Variants in EYA2 observed in about 807,000 individuals in gnomAD.
EYA2 encodes EYA transcriptional coactivator and phosphatase 2.
In EYA2, 31 loss-of-function variants were observed where a neutral mutation model predicts 69.2. That is an observed-to-expected ratio of 0.45 (90% CI 0.34 to 0.60). The LOEUF is 0.60. EYA2 is among the 20% of genes least tolerant of loss of function. The pLI, the probability that EYA2 is intolerant of heterozygous loss-of-function variation, is 0.02. For synonymous variants in EYA2, 257 were observed against 279.4 expected (o/e 0.92, Z 0.80); for missense variants, 622 against 701.2 (o/e 0.89, Z 1.28).
At chr20:47,151,119 C>T (rs1447069247) in intron 10 of EYA2, among the ~76,000 whole-genome samples, 1 of 151,954 alleles carries the variant, frequency 6.6e-6, no homozygotes, top group Non-Finnish European at 1.5e-5. Flanking sequence ...GCCTGTAATC[C>T]CAGCACTTTG....
At chr20:47,042,627 C>A (rs1437904649) in intron 5 of EYA2, among the ~76,000 whole-genome samples, 1 of 152,246 alleles carries the variant, frequency 6.6e-6, no homozygotes, top group East Asian at 1.9e-4. Flanking sequence ...GAACCCACAG[C>A]ACCTGGCACG....
At chr20:47,017,310 T>A (rs4339016) in intron 5 of EYA2, among the ~76,000 whole-genome samples, 50,088 of 152,000 alleles carry the variant, frequency 0.33, 8,375 homozygotes, top group East Asian at 0.41. Flanking sequence ...TGGGCTGATG[T>A]GTGATTGTAC....
chr20:47,103,121 A>G (rs1197928687), intron 9 of EYA2, among the ~76,000 whole-genome samples: 1 of 152,156 alleles, frequency 6.6e-6, no homozygotes, highest in African/African-American at 2.4e-5. Flanking sequence ...CAATCTACAT[A>G]TCATAATTTA....
chr20:47,034,608 G>A (rs536581775), intron 5 of EYA2, among the ~76,000 whole-genome samples: 27 of 152,182 alleles, frequency 1.8e-4, no homozygotes, highest in Admixed American at 3.9e-4. Flanking sequence ...CCTTGTGCCC[G>A]AGGCCCTGTC....
chr20:47,104,510 C>G (rs529046515), intron 9 of EYA2, among the ~76,000 whole-genome samples: 3 of 152,238 alleles, frequency 2.0e-5, no homozygotes, highest in Admixed American at 1.3e-4. Context: ...ATTGCCTAAC[C>G]TAGGTCACAG....
chr20:47,155,418 T>G (rs558327056), intron 10 of EYA2, among the ~76,000 whole-genome samples: 28 of 151,884 alleles, frequency 1.8e-4, no homozygotes, highest in African/African-American at 6.0e-4. Context: ...ACAAGCACAA[T>G]CCCGATGGGA....
At position 47,172,751 on chromosome 20, in the gene EYA2, G is replaced by A; in HGVS notation, c.1082G>A (p.Gly361Glu). Residue 361 changes from glycine to glutamate, a missense_variant, in exon 12 of 16, where the codon GGA becomes GAA. By Grantham distance (98) the Gly-to-Glu change is moderately conservative. Coordinates refer to ENST00000327619, the MANE Select transcript of EYA2 (RefSeq NM_005244.5). Reference protein sequence around the residue: ...SADGFHSSAPGANLCLGSGVH... With the variant: ...SADGFHSSAPEANLCLGSGVH... ...GACGGCTTCCACAGTTCGGCCCCAG[G>A]AGCCAACCTGTGCCTGGGCTCTGGC... The A allele has an allele frequency of 1.2e-6, 2 of 1,614,082 alleles. No individual in the cohort carries two copies. Among genetic ancestry groups the A allele is most frequent in the South Asian group, 2.2e-5 (2 of 91,072 alleles).
intron 1 of EYA2, among the ~76,000 whole-genome samples, chr20:46,903,175 G>C: frequency 6.6e-6 from 1 of 152,240 alleles, no homozygotes; most frequent in East Asian, 1.9e-4. Flanking sequence ...ATCTCCGGTA[G>C]GAGGATCCCA....
At chr20:47,157,228 G>A (rs554840544) in intron 10 of EYA2, among the ~76,000 whole-genome samples, 16 of 151,252 alleles carry the variant, frequency 1.1e-4, no homozygotes, top group Non-Finnish European at 2.1e-4. Context: ...AGTGGTGCAC[G>A]CTGTAGTCCC....
intron 7 of EYA2, 127 bp from the exon 8 acceptor site, chr20:47,089,112 G>T: frequency 9.1e-7 from 1 of 1,101,320 alleles, no homozygotes; most frequent in Admixed American, 2.4e-5. Flanking sequence ...CATCCTACGA[G>T]ATCTTTGCCT....
At chr20:47,012,751 C>G (rs1983149252) in intron 4 of EYA2, among the ~76,000 whole-genome samples, 1 of 152,200 alleles carries the variant, frequency 6.6e-6, no homozygotes, top group Non-Finnish European at 1.5e-5. Flanking sequence ...ACCTCAGCCT[C>G]CCAAAGTGCT....
intron 3 of EYA2, 27 bp downstream of exon 3, chr20:47,001,500 T>C (rs767848207): frequency 2.4e-5 from 39 of 1,611,860 alleles, no homozygotes; most frequent in Non-Finnish European, 3.1e-5. Context: ...TGTCTCCTGC[T>C]CACATGCCCA....
chr20:47,109,235 T>C (rs1056954272), intron 9 of EYA2, among the ~76,000 whole-genome samples: 6 of 152,190 alleles, frequency 3.9e-5, no homozygotes, highest in Non-Finnish European at 8.8e-5. Flanking sequence ...TTACTGCACA[T>C]TTCCTATACA....
intron 1 of EYA2, among the ~76,000 whole-genome samples, chr20:46,945,151 G>A (rs1978378439): frequency 6.6e-6 from 1 of 152,064 alleles, no homozygotes; most frequent in African/African-American, 2.4e-5. Flanking sequence ...CAATAGGAAG[G>A]TCCTTTCTTT....
chr20:46,949,344 C>G lies in EYA2; in HGVS notation c.-10-40657C>G, dbSNP rs79258548. On this transcript the variant is annotated intron_variant, in intron 1 of 15. Coordinates refer to ENST00000327619, the MANE Select transcript of EYA2 (RefSeq NM_005244.5). ...ATTGGGGAGTGGGGAGGGTTTAACA[C>G]TTTAACAGCTGTCCTGCTAAGTGTG... is the stretch of plus-strand genomic sequence containing the variant. Among the ~76,000 whole-genome samples, 805 of 152,334 alleles carry G rather than the reference C, an allele frequency of 5.3e-3. 6 individuals are homozygous for G. The highest frequency in any genetic ancestry group is 0.018 in the African/African-American group (764 of 41,566).
intron 1 of EYA2, among the ~76,000 whole-genome samples, chr20:46,911,553 A>G (rs998276000): frequency 6.6e-6 from 1 of 152,216 alleles, no homozygotes; most frequent in African/African-American, 2.4e-5. Context: ...GTTGAATGAG[A>G]GGTTAAACTA....
rs572683091 is a variant in EYA2 at position 46,913,102 on chromosome 20, G to C, written c.-11+18115G>C. Among the ~76,000 whole-genome samples, 26 of 152,350 alleles carry C rather than the reference G, an allele frequency of 1.7e-4. 1 individual carries two copies. In the South Asian group the frequency reaches 4.6e-3, roughly 27 times the overall value. ...TTTGTAGCCTCTGCCACTTACAGTG[G>C]TGTAAATACTCCCACCATGGTCACT... is the stretch of plus-strand genomic sequence containing the variant. On this transcript the variant is annotated intron_variant, in intron 1 of 15. Transcript: ENST00000327619.
chr20:47,177,638 G>A (rs968009939), intron 12 of EYA2, among the ~76,000 whole-genome samples: 3 of 152,244 alleles, frequency 2.0e-5, no homozygotes, highest in African/African-American at 7.2e-5. Context: ...GGATGAGAGA[G>A]CTGGCGGTGT....
At chr20:47,134,962 C>T (rs1483792487) in intron 9 of EYA2, among the ~76,000 whole-genome samples, 1 of 151,898 alleles carries the variant, frequency 6.6e-6, no homozygotes, top group Non-Finnish European at 1.5e-5. Flanking sequence ...CCCGTCTCTA[C>T]TAAAAATACA....
Sources: gnomAD v4.1 joint callset for allele counts (sites outside exome capture counted in the v4.1 genomes callset) on GRCh38, gnomAD v4.1.1 for gene constraint, MANE v1.5 for transcripts, NCBI Gene and HGNC (gene_info 2026-07-23, HGNC 2026-07-21) for gene names.